Variants in ECT2 observed in about 807,000 individuals in gnomAD.
ECT2 encodes epithelial cell transforming 2.
In ECT2, 61 loss-of-function variants were observed where a neutral mutation model predicts 116.9. That is an observed-to-expected ratio of 0.52 (90% CI 0.42 to 0.65). The LOEUF (loss-of-function observed/expected upper bound fraction) is 0.65. ECT2 is among the 30% of genes least tolerant of loss of function. The pLI is 0.00. For missense variants in ECT2, 937 were observed against 1,078.7 expected, an observed-to-expected ratio of 0.87 and a Z score of 1.84; for synonymous variants, 358 against 346.4, an observed-to-expected ratio of 1.03 and a Z score of -0.37.
At chr3:172,787,306 GC>G (rs1460706555) in intron 18 of ECT2, among the ~76,000 whole-genome samples, 1 of 152,180 alleles carries the variant, frequency 6.6e-6, no homozygotes, top group Non-Finnish European at 1.5e-5. Flanking sequence ...TTCCAGAAGG[GC>G]TCTTAAGGAG....
chr3:172,758,696 T>C lies in ECT2; in HGVS notation c.487-284T>C, dbSNP rs575433847. ...AACTTTGCTTATAGTCAGTACTTCA[T>C]GTCTGTCAGAGTGCATTTAATATTT... On this transcript the variant is annotated intron_variant, in intron 5 of 24. Transcript: ENST00000392692. Among the ~76,000 whole-genome samples the C allele has an allele frequency of 5.6e-4, 85 of 152,232 alleles. 1 individual carries two copies. Among genetic ancestry groups the C allele is most frequent in the Non-Finnish European group, 1.1e-3 (78 of 68,036 alleles).
In ECT2 at chr3:172,786,590, TC is replaced by T; in HGVS notation, c.1907+17del. The T allele has an allele frequency of 6.5e-7, 1 of 1,541,350 alleles. No homozygotes were observed. Among genetic ancestry groups the T allele is most frequent in the Non-Finnish European group, 8.9e-7 (1 of 1,121,392 alleles). On this transcript the variant is annotated intron_variant, in intron 18 of 24. Coordinates refer to ENST00000392692, the MANE Select transcript of ECT2 (RefSeq NM_001258315.2). ...AAGTAATGACGTAAGTGCATTATTT[TC>T]AATTTTTGATTGTGCCTTAGATTTC...
At position 172,820,328 on chromosome 3, in the gene ECT2, G is replaced by A; in HGVS notation, c.*91G>A. 4 of 815,840 alleles carry A rather than the reference G, an allele frequency of 4.9e-6. No homozygotes were observed. Among genetic ancestry groups the A allele is most frequent in the African/African-American group, 1.8e-5 (1 of 56,938 alleles). 50.5% of individuals were successfully genotyped at this position (815,840 alleles called of 1,614,324 possible). A position where few individuals can be genotyped will look rare whatever the true frequency, so the allele number is the denominator to read the frequency against. ...TAAATGGTACTTGTAATTAGCACTT[G>A]GTGAAAGCTGGAAGGAAGATAAATA... is the stretch of plus-strand genomic sequence containing the variant. On this transcript the variant is annotated 3_prime_UTR_variant, in exon 25 of 25. Coordinates refer to ENST00000392692, the MANE Select transcript of ECT2 (RefSeq NM_001258315.2).
intron 13 of ECT2, among the ~76,000 whole-genome samples, chr3:172,770,158 G>A (rs1720335910): frequency 6.6e-6 from 1 of 152,070 alleles, no homozygotes; most frequent in African/African-American, 2.4e-5. Flanking sequence ...AGTCACCTTT[G>A]CTCTTCCTTC....
At chr3:172,755,235 G>C in intron 2 of ECT2, 60 bp from the exon 3 acceptor site, 1 of 1,325,472 alleles carries the variant, frequency 7.5e-7, no homozygotes, top group African/African-American at 1.5e-5. Context: ...AGAGCGATAA[G>C]GACCTACTGA....
At chr3:172,751,521 G>A (rs1438629714) in intron 1 of ECT2, among the ~76,000 whole-genome samples, 1 of 152,038 alleles carries the variant, frequency 6.6e-6, no homozygotes, top group Non-Finnish European at 1.5e-5. Flanking sequence ...GAGATTAAAA[G>A]GTTTAGGACA....
At chr3:172,780,946 A>G (rs185555083) in intron 14 of ECT2, among the ~76,000 whole-genome samples, 1 of 152,272 alleles carries the variant, frequency 6.6e-6, no homozygotes, top group Admixed American at 6.5e-5. Flanking sequence ...AGTTTTCTTG[A>G]AATACAAAAG....
At chr3:172,785,470 G>C (rs1723446349) in intron 17 of ECT2, among the ~76,000 whole-genome samples, 1 of 151,212 alleles carries the variant, frequency 6.6e-6, no homozygotes, top group Admixed American at 6.6e-5. Flanking sequence ...CCCAGGAGTT[G>C]GAGACCAGCC....
At chr3:172,762,315 T>G in intron 8 of ECT2, 101 bp from the exon 9 acceptor site, 1 of 1,244,914 alleles carries the variant, frequency 8.0e-7, no homozygotes, top group South Asian at 1.4e-5. Flanking sequence ...AATAGATAGA[T>G]TATGCCAAGA....
intron 2 of ECT2, 48 bp from the exon 3 acceptor site, chr3:172,755,247 T>C (rs751006531): frequency 6.9e-7 from 1 of 1,441,374 alleles, no homozygotes; most frequent in Non-Finnish European, 9.5e-7. Context: ...ACCTACTGAT[T>C]GTGATGTTAA....
rs1171535968 is a variant in ECT2 at position 172,784,903 on chromosome 3, T to A, written c.1825+100T>A. 9 of 757,828 alleles carry A rather than the reference T, an allele frequency of 1.2e-5. No homozygotes were observed. The African/African-American group carries it at 1.4e-4, about 12-fold the overall frequency. The allele number at this position is 757,828 out of a possible 1,614,324, so 46.9% of individuals were successfully genotyped here. A position where few individuals can be genotyped will look rare whatever the true frequency, so the allele number is the denominator to read the frequency against. The stretch of plus-strand genomic sequence containing the variant: ...TCTCATTTTTAGAGTTTCTTAGATT[T>A]CAGCATTAAAGTTTATATATGTTTT... On this transcript the variant is annotated intron_variant, in intron 17 of 24. Transcript: ENST00000392692.
At chr3:172,805,062 C>CATTTTTTCTTAACCTGATA (rs1727425705) in intron 20 of ECT2, among the ~76,000 whole-genome samples, 1 of 151,914 alleles carries the variant, frequency 6.6e-6, no homozygotes. Flanking sequence ...GAAAAATAAA[C>CATTTTTTCTTAACCTGATA]AAAACTCTTA....
intron 23 of ECT2, 122 bp from the exon 24 acceptor site, chr3:172,816,569 T>C: frequency 1.4e-6 from 1 of 715,556 alleles, no homozygotes; most frequent in Non-Finnish European, 2.1e-6. Context: ...AAAGAGATTC[T>C]AATCCTGCCA....
At chr3:172,797,130 A>G (rs1270862773) in intron 18 of ECT2, among the ~76,000 whole-genome samples, 2 of 151,314 alleles carry the variant, frequency 1.3e-5, no homozygotes, top group East Asian at 3.9e-4. Context: ...CCCAGGCTCA[A>G]GTGATCCTCC....
At chr3:172,793,489 A>C (rs1725051173) in intron 18 of ECT2, among the ~76,000 whole-genome samples, 1 of 147,798 alleles carries the variant, frequency 6.8e-6, no homozygotes, top group South Asian at 2.1e-4. Context: ...TTTAAGATGG[A>C]GTCTTACTCT....
chr3:172,825,514 A>G (rs977772178), downstream of ECT2, among the ~76,000 whole-genome samples: 2 of 152,204 alleles, frequency 1.3e-5, no homozygotes, highest in Non-Finnish European at 2.9e-5. Flanking sequence ...TCCATTGAAC[A>G]TGTGAATGAT....
chr3:172,761,416 A>G (rs1373989928), intron 7 of ECT2, among the ~76,000 whole-genome samples, 194 bp from the exon 8 acceptor site: 1 of 152,202 alleles, frequency 6.6e-6, no homozygotes, highest in Non-Finnish European at 1.5e-5. Flanking sequence ...TTCGGACACC[A>G]TGGAACTTGT....
At chr3:172,815,491 A>G (rs1729516832) in intron 22 of ECT2, 113 bp from the exon 23 acceptor site, 1 of 616,694 alleles carries the variant, frequency 1.6e-6, no homozygotes, top group African/African-American at 1.9e-5. Context: ...GCACATGAAA[A>G]GTCTTGAGTA....
intron 14 of ECT2, 87 bp from the exon 15 acceptor site, chr3:172,782,076 C>G (rs1722792784): frequency 1.5e-6 from 1 of 683,618 alleles, no homozygotes; most frequent in East Asian, 3.0e-5. Flanking sequence ...TAAAGTGCTT[C>G]TTTCCAATGA....
Sources: gnomAD v4.1 joint callset for allele counts (sites outside exome capture counted in the v4.1 genomes callset) on GRCh38, gnomAD v4.1.1 for gene constraint, MANE v1.5 for transcripts, NCBI Gene and HGNC (gene_info 2026-07-23, HGNC 2026-07-21) for gene names.